IGSF9B: variants seen among roughly 807,000 people sequenced by gnomAD.
IGSF9B encodes the protein protein turtle homolog B.
In IGSF9B, 48 loss-of-function variants were observed where a neutral mutation model predicts 143.7. That is an observed-to-expected ratio of 0.33 (90% confidence interval 0.26 to 0.42). The LOEUF (loss-of-function observed/expected upper bound fraction) is 0.42, where lower values mean the gene tolerates loss of function less well. Among genes scored for constraint, IGSF9B ranks in the 20% least tolerant of loss-of-function variants. The pLI is 1.00. For synonymous variants in IGSF9B, 903 were observed against 833.1 expected (o/e 1.08, Z -1.44); for missense variants, 1,706 against 1,980.0 (o/e 0.86, Z 2.63).
In IGSF9B at chr11:133,937,965, C is replaced by T; in HGVS notation, c.410-4G>A. On this transcript the variant is annotated splice_polypyrimidine_tract_variant and splice_region_variant and intron_variant, in intron 3 of 19. Transcript: ENST00000533871. Reference sequence around the variant, plus strand: ...GTTTCTGTAAAGGTGGGAGGGGCTGCAAAGGAGACCACAAAGATGAAGGAC... The same window carrying T: ...GTTTCTGTAAAGGTGGGAGGGGCTGTAAAGGAGACCACAAAGATGAAGGAC... The T allele has an allele frequency of 6.2e-7, 1 of 1,612,916 alleles. No homozygotes were observed. The highest frequency in any genetic ancestry group is 8.5e-7 in the Non-Finnish European group (1 of 1,179,428).
At chr11:133,938,164 C>T (rs573065773) in intron 3 of IGSF9B, 5 of 593,038 alleles carry the variant, frequency 8.4e-6, no homozygotes, top group African/African-American at 5.6e-5. Flanking sequence ...TGGCTGGGTC[C>T]AAATTCTGTA....
In IGSF9B at chr11:133,929,673, A is replaced by T; in HGVS notation, c.1629T>A (p.Val543=). 6.2e-7 allele frequency: 1 copy of T among 1,608,562 alleles called. No homozygotes were observed. The highest frequency in any genetic ancestry group is 1.1e-5 in the South Asian group (1 of 90,982). ...YDGGYEQTFS[V]WMKRAQFGPH... Reference sequence around the variant, plus strand: ...GGGTGACTCACAGAGGTCCGTACCAAACTGAGAATGTCTGCTCGTAGCCTC... The same window carrying T: ...GGGTGACTCACAGAGGTCCGTACCATACTGAGAATGTCTGCTCGTAGCCTC... The change falls in exon 12 of 20, where the codon GTT becomes GTA. Residue 543 remains valine, a splice_region_variant and synonymous_variant. Transcript: ENST00000533871.
chr11:133,949,552 A>T (rs1940121281), intron 1 of IGSF9B, among the ~76,000 whole-genome samples: 1 of 152,178 alleles, frequency 6.6e-6, no homozygotes, highest in African/African-American at 2.4e-5. Flanking sequence ...GGAGCAAAAG[A>T]GGTGCAAAGT....
At chr11:133,939,151 A>T (rs1452713660) in intron 3 of IGSF9B, among the ~76,000 whole-genome samples, 1 of 152,164 alleles carries the variant, frequency 6.6e-6, no homozygotes, top group Non-Finnish European at 1.5e-5. Context: ...GTCTTCCTCA[A>T]ATGCACCAAG....
chr11:133,925,445 T>C (rs1172679673), intron 14 of IGSF9B, among the ~76,000 whole-genome samples: 1 of 152,230 alleles, frequency 6.6e-6, no homozygotes, highest in Non-Finnish European at 1.5e-5. Context: ...GTCAGTGCTC[T>C]GATTACGCCT....
Position 133,937,425 on chromosome 11 carries a change from C to T in IGSF9B, c.630G>A (p.Ala210=), listed in dbSNP as rs557849646. 52 of 1,613,802 alleles carry T rather than the reference C, an allele frequency of 3.2e-5. No homozygotes were observed. The East Asian group carries it at 9.8e-4, about 30-fold the overall frequency. Residue 210 remains alanine, a synonymous_variant, in exon 5 of 20, where the codon GCG becomes GCA. Transcript: ENST00000533871. ...REDRGAYTCR[A]YSIQGEAVHT... ...GGACAGCCTCCCCCTGAATGCTGTA[C>T]GCTCGGCAGGTGTAGGCACCTCTGT...
rs544545889 is a variant in IGSF9B at position 133,931,811 on chromosome 11, G to A, written c.1111-16C>T. On this transcript the variant is annotated splice_polypyrimidine_tract_variant and intron_variant, in intron 8 of 19. Transcript: ENST00000533871. The surrounding 1 kb of genome is among the most constrained non-coding windows in gnomAD (Gnocchi z 7.7). ...AACCGAGGTTCTGCCAGACACAGAC[G>A]ATAGGGCAGGGAACGCTGGTCAGAG... 4.3e-5 allele frequency: 69 copies of A among 1,610,064 alleles called. No homozygotes were observed. In the Middle Eastern group the frequency reaches 5.0e-4, roughly 12 times the overall value.
chr11:133,943,139 C>T (rs1438280841), intron 3 of IGSF9B, among the ~76,000 whole-genome samples: 1 of 152,182 alleles, frequency 6.6e-6, no homozygotes, highest in East Asian at 1.9e-4. Flanking sequence ...ATTCTAACCA[C>T]AGCATCTATG....
In IGSF9B at chr11:133,925,727, C is replaced by T; in HGVS notation, c.2034+12G>A. The T allele has an allele frequency of 6.2e-7, 1 of 1,608,408 alleles. No homozygotes were observed. Among genetic ancestry groups the T allele is most frequent in the Non-Finnish European group, 8.5e-7 (1 of 1,176,378 alleles). On this transcript the variant is annotated intron_variant, in intron 14 of 19. Coordinates refer to ENST00000533871, the MANE Select transcript of IGSF9B (RefSeq NM_001277285.4). ...TTTGGGAAGCAGCAGCAAGGAAGAG[C>T]AAAGCCCTCACCTGTGACAGATCCT...
chr11:133,920,707 G>A lies in IGSF9B; in HGVS notation c.3018C>T (p.Pro1006=), dbSNP rs770147010. 6.2e-7 allele frequency: 1 copy of A among 1,613,350 alleles called. No homozygotes were observed. Among genetic ancestry groups the A allele is most frequent in the South Asian group, 1.1e-5 (1 of 91,074 alleles). ...CCTCGGGGATGGTGGGGTGGCCAAAGGGCCCCTCGGTGGGCAGGGGCGGGG... is the reference window on the plus strand; with the variant it reads ...CCTCGGGGATGGTGGGGTGGCCAAAAGGCCCCTCGGTGGGCAGGGGCGGGG... ...MSSPPLPTEG[P]FGHPTIPEEN... The change falls in exon 18 of 20, where the codon CCC becomes CCT. Residue 1006 remains proline, a synonymous_variant. Coordinates refer to ENST00000533871, the MANE Select transcript of IGSF9B (RefSeq NM_001277285.4).
At chr11:133,924,587 G>A (rs541739289) in intron 15 of IGSF9B, among the ~76,000 whole-genome samples, 1 of 152,244 alleles carries the variant, frequency 6.6e-6, no homozygotes, top group Admixed American at 6.5e-5. Context: ...TTCTGTGGCT[G>A]TCTTATACAA....
intron 12 of IGSF9B, among the ~76,000 whole-genome samples, chr11:133,927,321 G>A (rs1476224039): frequency 6.6e-6 from 1 of 152,230 alleles, no homozygotes; most frequent in African/African-American, 2.4e-5. Flanking sequence ...TCTACCAAAG[G>A]GGCCTTTAGG....
rs1555082799 is a variant in IGSF9B, at chr11:133,902,554, TAC to T, written c.*6513_*6514del. Among the ~76,000 whole-genome samples the T allele has an allele frequency of 9.1e-6, 1 of 110,296 alleles. No individual in the cohort carries two copies. The highest frequency in any genetic ancestry group is 1.9e-5 in the Non-Finnish European group (1 of 53,038). 72.4% of individuals were successfully genotyped at this position (110,296 alleles called of 152,430 possible). On this transcript the variant is annotated 3_prime_UTR_variant, in exon 20 of 20. Coordinates refer to ENST00000533871, the MANE Select transcript of IGSF9B (RefSeq NM_001277285.4). ...ACACACATATACCACACACACCACA[TAC>T]ACACACACACCCCACACACACACAC... is the stretch of plus-strand genomic sequence containing the variant.
intron 7 of IGSF9B, among the ~76,000 whole-genome samples, chr11:133,933,568 A>C (rs1452801440): frequency 6.6e-6 from 1 of 152,204 alleles, no homozygotes; most frequent in Non-Finnish European, 1.5e-5. Context: ...CAATTTAGCG[A>C]GACTCCAACT....
intron 12 of IGSF9B, among the ~76,000 whole-genome samples, chr11:133,927,683 T>C (rs534554181): frequency 2.0e-5 from 3 of 152,238 alleles, no homozygotes; most frequent in Non-Finnish European, 4.4e-5. Flanking sequence ...ACGCTATGCA[T>C]GGAGAGTAGG....
At chr11:133,942,623 A>G (rs952108408) in intron 3 of IGSF9B, among the ~76,000 whole-genome samples, 3 of 152,204 alleles carry the variant, frequency 2.0e-5, no homozygotes, top group Admixed American at 2.0e-4. Context: ...TCACCCTCCC[A>G]TTCAGAATAG....
chr11:133,929,841 C>T (rs754719902), intron 11 of IGSF9B, 59 bp from the exon 12 acceptor site: 16 of 1,166,134 alleles, frequency 1.4e-5, no homozygotes, highest in Middle Eastern at 2.0e-4. Context: ...GGCTGGGTGC[C>T]CACCGTCTGG....
rs557239877 is a variant in IGSF9B, at chr11:133,938,054, G to A, written c.410-93C>T. 217 of 1,371,748 alleles carry A rather than the reference G, an allele frequency of 1.6e-4. 2 individuals are homozygous for A. The South Asian group carries it at 2.4e-3, about 15-fold the overall frequency. The allele number at this position is 1,371,748 out of a possible 1,614,324, so 85.0% of individuals were successfully genotyped here. A position where few individuals can be genotyped will look rare whatever the true frequency, so the allele number is the denominator to read the frequency against. On this transcript the variant is annotated intron_variant, in intron 3 of 19. Transcript: ENST00000533871. ...CTGCCCCACACATCACCCTCGCTGCGGCTCTGCGGAATGCAAGGACAAAGG... is the reference window on the plus strand; with the variant it reads ...CTGCCCCACACATCACCCTCGCTGCAGCTCTGCGGAATGCAAGGACAAAGG...
intron 3 of IGSF9B, among the ~76,000 whole-genome samples, chr11:133,941,913 C>T (rs998361900): frequency 2.0e-5 from 3 of 152,202 alleles, no homozygotes; most frequent in African/African-American, 7.2e-5. Context: ...GAGAAGTTCT[C>T]CCTCCTTTGT....
Sources: allele counts gnomAD v4.1 joint callset (sites outside exome capture counted in the v4.1 genomes callset), GRCh38; gene constraint gnomAD v4.1.1; non-coding constraint Gnocchi (gnomAD v3.1); transcripts MANE v1.5; gene names NCBI Gene and HGNC (gene_info 2026-07-23, HGNC 2026-07-21).